The following UBE2O variants were observed in gnomAD, a reference collection of about 807,000 sequenced individuals.
The protein encoded by UBE2O is ubiquitin conjugating enzyme E2 O.
UBE2O carries 15 observed loss-of-function variants against 125.8 expected under a neutral mutation model. That is an observed-to-expected ratio of 0.12 (90% confidence interval 0.08 to 0.18). The LOEUF (loss-of-function observed/expected upper bound fraction) is 0.18, where lower values mean the gene tolerates loss of function less well. Ranked by LOEUF, UBE2O falls within the 10% of genes least tolerant of loss-of-function variation. UBE2O has a pLI of 1.00. For missense variants in UBE2O, 1,280 were observed against 1,723.6 expected, an observed-to-expected ratio of 0.74 and a Z score of 4.56; for synonymous variants, 708 against 703.2, an observed-to-expected ratio of 1.01 and a Z score of -0.11.
At chr17:76,414,479 G>A (rs1392132637) in intron 1 of UBE2O, among the ~76,000 whole-genome samples, 3 of 152,232 alleles carry the variant, frequency 2.0e-5, no homozygotes, top group African/African-American at 7.2e-5. Flanking sequence ...GGATGGCGGT[G>A]GGGGAAGGCA....
At position 76,402,535 on chromosome 17, in the gene UBE2O, T is replaced by TC; in HGVS notation, c.686+66dup. ...TCACTGTCCCCAGGAGGAAACACCC[T>TC]CCTCCTCCCCTCTTTCCAAGAGGCT... On this transcript the variant is annotated intron_variant, in intron 4 of 17. Transcript: ENST00000319380. This position sits in a 1 kb window ranked among gnomAD's most constrained non-coding sequence, Gnocchi z 5.4. The TC allele has an allele frequency of 7.2e-7, 1 of 1,387,808 alleles. No homozygotes were observed. The highest frequency in any genetic ancestry group is 2.3e-5 in the East Asian group (1 of 43,846). 86.0% of individuals were successfully genotyped at this position (1,387,808 alleles called of 1,614,324 possible).
rs2073275170 is a variant in UBE2O, at chr17:76,452,708, G to A, written c.417+17C>T. The A allele has an allele frequency of 7.3e-7, 1 of 1,374,624 alleles. No homozygotes were observed. Among genetic ancestry groups the A allele is most frequent in the Non-Finnish European group, 9.3e-7 (1 of 1,071,658 alleles). 85.2% of individuals were successfully genotyped at this position (1,374,624 alleles called of 1,614,324 possible). The stretch of plus-strand genomic sequence containing the variant: ...GACCCCCTGCCGCCCGCGCCGCCCA[G>A]CCCCCGCCCGCCGCACCTTGGTCTC... On this transcript the variant is annotated intron_variant, in intron 1 of 17. Transcript: ENST00000319380. The surrounding 1 kb of genome is among the most constrained non-coding windows in gnomAD (Gnocchi z 4.4).
chr17:76,422,283 GAGGGCATGGGCAA>G (rs996439418), intron 1 of UBE2O, among the ~76,000 whole-genome samples: 17 of 152,220 alleles, frequency 1.1e-4, no homozygotes, highest in Non-Finnish European at 2.2e-4. Context: ...AACACGGGGA[GAGGGCATGGGCAA>G]AGGGCGGCTC....
chr17:76,442,624 C>T (rs765284278), intron 1 of UBE2O, among the ~76,000 whole-genome samples: 5 of 152,156 alleles, frequency 3.3e-5, no homozygotes, highest in Admixed American at 6.5e-5. Flanking sequence ...AGGAAGGGAA[C>T]GGCACAATTG....
At chr17:76,428,199 T>C (rs568072768) in intron 1 of UBE2O, among the ~76,000 whole-genome samples, 1 of 152,344 alleles carries the variant, frequency 6.6e-6, no homozygotes, top group East Asian at 1.9e-4. Flanking sequence ...CCCAGTCTTT[T>C]GTATGTGACC....
chr17:76,391,916 A>C lies in UBE2O; in HGVS notation c.3144T>G (p.Ile1048Met), dbSNP rs766762779. 1.2e-6 allele frequency: 2 copies of C among 1,612,794 alleles called. No homozygotes were observed. Residue 1048 changes from isoleucine (I) to methionine (M), a missense_variant, in exon 16 of 18, where the codon ATT becomes ATG. Ile to Met is a conservative substitution (Grantham distance 10). Coordinates refer to ENST00000319380, the MANE Select transcript of UBE2O (RefSeq NM_022066.4). This position sits in a 1 kb window ranked among gnomAD's most constrained non-coding sequence, Gnocchi z 8.4. ...GGCCTGGCCCTATACTCACCTTTCC[A>C]ATCCAGGTGCCCAGGAGGCTGACAC... ...KVCVSLLGTWIGKGTERWTSK... is the reference protein window; with the variant it reads ...KVCVSLLGTWMGKGTERWTSK...
intron 1 of UBE2O, among the ~76,000 whole-genome samples, chr17:76,411,038 G>C (rs1200739345): frequency 2.0e-5 from 3 of 151,880 alleles, no homozygotes; most frequent in African/African-American, 7.3e-5. Flanking sequence ...TGGTGTGGTG[G>C]GGGAGGGGGT....
In UBE2O at chr17:76,390,913, C is replaced by T. The variant is rs375247499; in HGVS notation, c.*30G>A. 5.9e-5 allele frequency: 93 copies of T among 1,563,146 alleles called. 3 individuals are homozygous for T. Among genetic ancestry groups the T allele is most frequent in the Admixed American group, 4.9e-4 (27 of 54,934 alleles). ...AGCAGGCGGCGGCTGGCCTCTCCCA[C>T]GGTGATGCTCTTTCCTCTGTGCCTG... On this transcript the variant is annotated 3_prime_UTR_variant, in exon 18 of 18. Transcript: ENST00000319380.
rs774724648 is a variant in UBE2O at position 76,396,421 on chromosome 17, G to A, written c.2516C>T (p.Ser839Phe). Residue 839 changes from serine (S) to phenylalanine (F), a missense_variant, in exon 14 of 18, where the codon TCT (serine) becomes TTT (phenylalanine). Ser to Phe is a radical substitution (Grantham distance 155, BLOSUM62 -2). Around this residue, in one of 10 missense-constraint regions of UBE2O, gnomAD observed 210 missense variants for 268.9 expected, o/e 0.78. Coordinates refer to ENST00000319380, the MANE Select transcript of UBE2O (RefSeq NM_022066.4). The surrounding 1 kb of genome is among the most constrained non-coding windows in gnomAD (Gnocchi z 6.7). Reference sequence around the variant, plus strand: ...TGGCTTCTCAGGCTCCACAGTCGGAGAGGTGGGCGAGCCCGTCAGCAGCTG... The same window carrying A: ...TGGCTTCTCAGGCTCCACAGTCGGAAAGGTGGGCGAGCCCGTCAGCAGCTG... The part of the protein sequence containing the change: ...VEQLLTGSPT[S>F]PTVEPEKPTR... 6.2e-7 allele frequency: 1 copy of A among 1,614,192 alleles called. No homozygotes were observed. The highest frequency in any genetic ancestry group is 8.5e-7 in the Non-Finnish European group (1 of 1,180,048).
intron 1 of UBE2O, among the ~76,000 whole-genome samples, chr17:76,415,247 T>G (rs1168099964): frequency 6.6e-6 from 1 of 152,106 alleles, no homozygotes. Context: ...TCACACAAAC[T>G]GATCCTGACG....
Position 76,400,109 on chromosome 17 carries a change from C to T in UBE2O, c.1155+38G>A. The T allele has an allele frequency of 6.3e-7, 1 of 1,597,972 alleles. No individual in the cohort carries two copies. On this transcript the variant is annotated intron_variant, in intron 8 of 17. Coordinates refer to ENST00000319380, the MANE Select transcript of UBE2O (RefSeq NM_022066.4). This position sits in a 1 kb window ranked among gnomAD's most constrained non-coding sequence, Gnocchi z 4.3. ...CCATGGAAATGGCTCAAGGCCAGTTCCTCAAATGCCCACCAATCCCCAACC... is the reference window on the plus strand; with the variant it reads ...CCATGGAAATGGCTCAAGGCCAGTTTCTCAAATGCCCACCAATCCCCAACC...
intron 1 of UBE2O, among the ~76,000 whole-genome samples, chr17:76,447,385 G>C (rs2073168284): frequency 6.6e-6 from 1 of 152,212 alleles, no homozygotes; most frequent in Non-Finnish European, 1.5e-5. Context: ...GTTGTTGTGA[G>C]CGTGAAGTAA....
At position 76,400,071 on chromosome 17, in the gene UBE2O, CTG is replaced by C. The variant is rs2072291243; in HGVS notation, c.1155+74_1155+75del. ...TGCCCCCCAAGGCCTAAAGCACAGACTGTCCTTCTTGGCCATGGAAATGGCTC... is the reference window on the plus strand; with the variant it reads ...TGCCCCCCAAGGCCTAAAGCACAGACTCCTTCTTGGCCATGGAAATGGCTC... On this transcript the variant is annotated intron_variant, in intron 8 of 17. Coordinates refer to ENST00000319380, the MANE Select transcript of UBE2O (RefSeq NM_022066.4). This position sits in a 1 kb window ranked among gnomAD's most constrained non-coding sequence, Gnocchi z 4.3. 1 of 1,564,594 alleles carries C rather than the reference CTG, an allele frequency of 6.4e-7. No homozygotes were observed. Among genetic ancestry groups the C allele is most frequent in the Admixed American group, 1.8e-5 (1 of 56,456 alleles).
Position 76,415,055 on chromosome 17 carries a change from A to G in UBE2O, c.418-9483T>C, listed in dbSNP as rs554967555. 2.8e-3 allele frequency among the ~76,000 whole-genome samples: 420 copies of G among 152,264 alleles called. 2 individuals are homozygous for G. Among genetic ancestry groups the G allele is most frequent in the African/African-American group, 9.7e-3 (404 of 41,562 alleles). ...CAGGCCTGACTGGGTATCACTACCT[A>G]ACCAGTGGCCCCGGACTGCTCCATT... is the stretch of plus-strand genomic sequence containing the variant. On this transcript the variant is annotated intron_variant, in intron 1 of 17. Coordinates refer to ENST00000319380, the MANE Select transcript of UBE2O (RefSeq NM_022066.4).
chr17:76,411,070 ACT>A (rs2096075921), intron 1 of UBE2O, among the ~76,000 whole-genome samples: 2 of 151,902 alleles, frequency 1.3e-5, no homozygotes, highest in African/African-American at 4.8e-5. Flanking sequence ...ACAGAGTTTC[ACT>A]CTGTCGCCCA....
rs1567827440 is a variant in UBE2O, at chr17:76,390,909, C to T, written c.*34G>A. The T allele has an allele frequency of 1.9e-6, 3 of 1,560,362 alleles. No individual in the cohort carries two copies. The highest frequency in any genetic ancestry group is 2.6e-6 in the Non-Finnish European group (3 of 1,154,412). On this transcript the variant is annotated 3_prime_UTR_variant, in exon 18 of 18. Transcript: ENST00000319380. ...AGTGAGCAGGCGGCGGCTGGCCTCT[C>T]CCACGGTGATGCTCTTTCCTCTGTG...
chr17:76,452,772 C>T lies in UBE2O; in HGVS notation c.370G>A (p.Val124Ile). ...ASPLRRGYVR[V>I]QWYPEGVKQH... ...TTGACGCCCTCCGGGTACCACTGGA[C>T]GCGCACGTAGCCGCGGCGCAGGGGG... The change falls in exon 1 of 18, where the codon GTC (valine) becomes ATC (isoleucine). Residue 124 changes from valine to isoleucine, a missense_variant. Transcript: ENST00000319380. This position sits in a 1 kb window ranked among gnomAD's most constrained non-coding sequence, Gnocchi z 4.4. The T allele has an allele frequency of 6.6e-7, 1 of 1,520,490 alleles. No homozygotes were observed. The allele number at this position is 1,520,490 out of a possible 1,614,324, so 94.2% of individuals were successfully genotyped here.
At chr17:76,438,543 C>T (rs1598619724) in intron 1 of UBE2O, among the ~76,000 whole-genome samples, 1 of 152,082 alleles carries the variant, frequency 6.6e-6, no homozygotes, top group East Asian at 1.9e-4. Context: ...CACACCTTTG[C>T]GCCCCATCTG....
rs1163326058 is a variant in UBE2O at position 76,405,407 on chromosome 17, G to A, written c.478-91C>T. 1.1e-5 allele frequency: 16 copies of A among 1,505,448 alleles called. No individual in the cohort carries two copies. The highest frequency in any genetic ancestry group is 1.5e-5 in the Non-Finnish European group (16 of 1,099,012). 93.3% of individuals were successfully genotyped at this position (1,505,448 alleles called of 1,614,324 possible). A position where few individuals can be genotyped will look rare whatever the true frequency, so the allele number is the denominator to read the frequency against. ...CCCAGGCAACCCCAGCGCACCCCCTGCAGAGCTGGCCAGTTCTCCCACATG... is the reference window on the plus strand; with the variant it reads ...CCCAGGCAACCCCAGCGCACCCCCTACAGAGCTGGCCAGTTCTCCCACATG... On this transcript the variant is annotated intron_variant, in intron 2 of 17. Coordinates refer to ENST00000319380, the MANE Select transcript of UBE2O (RefSeq NM_022066.4). This position sits in a 1 kb window ranked among gnomAD's most constrained non-coding sequence, Gnocchi z 6.1.
Sources: gnomAD v4.1 joint callset for allele counts (sites outside exome capture counted in the v4.1 genomes callset) on GRCh38, gnomAD v4.1.1 for gene constraint, gnomAD v4.1.1 regional missense constraint, Gnocchi (gnomAD v3.1) non-coding constraint, MANE v1.5 for transcripts, NCBI Gene and HGNC (gene_info 2026-07-23, HGNC 2026-07-21) for gene names.